The following ABAT variants were observed in gnomAD, a reference collection of about 807,000 sequenced individuals.
The protein encoded by ABAT is 4-aminobutyrate aminotransferase, mitochondrial.
Under a neutral mutation model 64.6 loss-of-function variants are expected in ABAT, and 45 were observed. That is an observed-to-expected ratio of 0.70 (90% CI 0.55 to 0.89). ABAT has a LOEUF of 0.89. Ranked by LOEUF, ABAT falls within the 40% of genes least tolerant of loss-of-function variation. ABAT has a pLI of 0.00. For synonymous variants in ABAT, 297 were observed against 250.5 expected, an observed-to-expected ratio of 1.19 and a Z score of -1.75; for missense variants, 633 against 658.4, an observed-to-expected ratio of 0.96 and a Z score of 0.42.
intron 1 of ABAT, among the ~76,000 whole-genome samples, chr16:8,717,228 T>A (rs887632387): frequency 6.6e-6 from 1 of 152,298 alleles, no homozygotes; most frequent in African/African-American, 2.4e-5. Flanking sequence ...AGGCGAAGGT[T>A]GCAGTGAGCC....
At chr16:8,710,694 CAGAGAGAGAG>C (rs558327984) in intron 1 of ABAT, among the ~76,000 whole-genome samples, 39 of 121,946 alleles carry the variant, frequency 3.2e-4, no homozygotes, top group South Asian at 6.0e-4. Context: ...GAGAGAGAGA[CAGAGAGAGAG>C]AGAGAGAGAG....
intron 1 of ABAT, among the ~76,000 whole-genome samples, chr16:8,720,231 C>T (rs139104238): frequency 1.4e-4 from 22 of 152,324 alleles, no homozygotes; most frequent in African/African-American, 5.3e-4. Context: ...CTCCTGACCC[C>T]ACAAATAGAT....
At chr16:8,739,894 C>T (rs1055514157) in intron 2 of ABAT, among the ~76,000 whole-genome samples, 2 of 151,032 alleles carry the variant, frequency 1.3e-5, no homozygotes, top group Non-Finnish European at 2.9e-5. Flanking sequence ...TTTGTCTTCT[C>T]TTTTGACTTA....
chr16:8,685,071 G>T (rs1641114), intron 1 of ABAT, among the ~76,000 whole-genome samples: 4 of 152,046 alleles, frequency 2.6e-5, no homozygotes, highest in African/African-American at 9.7e-5. Context: ...GATTGCTTGA[G>T]CTCAGGAGTT....
At chr16:8,756,453 G>A (rs2059652028) in intron 5 of ABAT, among the ~76,000 whole-genome samples, 1 of 151,212 alleles carries the variant, frequency 6.6e-6, no homozygotes, top group Admixed American at 6.6e-5. Context: ...AGAACCTGCC[G>A]GTTTGTTACA....
In ABAT at chr16:8,750,369, C is replaced by A. The variant is rs1194910149; in HGVS notation, c.199-53C>A. 5.5e-6 allele frequency: 8 copies of A among 1,464,374 alleles called. No homozygotes were observed. In the Admixed American group the frequency reaches 1.3e-4, roughly 25 times the overall value. 90.7% of individuals were successfully genotyped at this position (1,464,374 alleles called of 1,614,324 possible). A position where few individuals can be genotyped will look rare whatever the true frequency, so the allele number is the denominator to read the frequency against. ...CTGATTCAAGCTTAATCCTAAAAGC[C>A]CAAGAATCTAGGGAGTGGCAGTGAG... On this transcript the variant is annotated intron_variant, in intron 4 of 15. Transcript: ENST00000268251.
chr16:8,777,735 G>A (rs1320428562), intron 14 of ABAT, among the ~76,000 whole-genome samples: 1 of 152,206 alleles, frequency 6.6e-6, no homozygotes, highest in Non-Finnish European at 1.5e-5. Context: ...ACATGCTAGA[G>A]TAAGTGCTGG....
At chr16:8,747,559 A>T (rs2059369364) in intron 3 of ABAT, among the ~76,000 whole-genome samples, 1 of 152,140 alleles carries the variant, frequency 6.6e-6, no homozygotes, top group Non-Finnish European at 1.5e-5. Flanking sequence ...GAAATATATA[A>T]TTTTATGACA....
intron 5 of ABAT, among the ~76,000 whole-genome samples, chr16:8,754,412 T>C (rs2059583004): frequency 6.6e-6 from 1 of 151,926 alleles, no homozygotes; most frequent in Non-Finnish European, 1.5e-5. Context: ...GATTAGCCGG[T>C]GACTGGTAGA....
At chr16:8,681,965 G>A (rs879595230) in intron 1 of ABAT, among the ~76,000 whole-genome samples, 1 of 152,056 alleles carries the variant, frequency 6.6e-6, no homozygotes, top group Non-Finnish European at 1.5e-5. Context: ...TGACGTGGAA[G>A]CGAGGCTGTC....
chr16:8,752,977 C>G (rs1315444661), intron 5 of ABAT, among the ~76,000 whole-genome samples: 2 of 152,172 alleles, frequency 1.3e-5, no homozygotes, highest in Admixed American at 1.3e-4. Flanking sequence ...AACATCACCT[C>G]CAGTTGACTG....
chr16:8,702,994 C>T (rs1318608128), intron 1 of ABAT, among the ~76,000 whole-genome samples: 2 of 152,024 alleles, frequency 1.3e-5, no homozygotes, highest in Non-Finnish European at 2.9e-5. Context: ...AGGTGTGATG[C>T]ATGAGAGTGT....
chr16:8,734,418 T>C (rs1308029644), intron 1 of ABAT, among the ~76,000 whole-genome samples: 2 of 152,120 alleles, frequency 1.3e-5, no homozygotes, highest in Non-Finnish European at 2.9e-5. Context: ...TAGAGGGATT[T>C]TGTTGGAGTG....
intron 14 of ABAT, among the ~76,000 whole-genome samples, chr16:8,777,515 T>C (rs1641024): frequency 0.74 from 111,677 of 151,720 alleles, 41,080 homozygotes; most frequent in South Asian, 0.76. Flanking sequence ...TCTCACATAA[T>C]ACTTCTAACA....
intron 1 of ABAT, among the ~76,000 whole-genome samples, chr16:8,707,012 G>A (rs1013035244): frequency 9.2e-5 from 14 of 152,086 alleles, no homozygotes; most frequent in Non-Finnish European, 1.9e-4. Flanking sequence ...TGGCATGTCA[G>A]TACTCAGAAA....
chr16:8,727,745 C>A (rs1225354596), intron 1 of ABAT, among the ~76,000 whole-genome samples: 2 of 152,168 alleles, frequency 1.3e-5, no homozygotes, highest in Non-Finnish European at 1.5e-5. Context: ...AGAAAGAAAG[C>A]AATTTATCCA....
At chr16:8,775,334 A>G (rs1014064090) in intron 13 of ABAT, among the ~76,000 whole-genome samples, 4 of 152,184 alleles carry the variant, frequency 2.6e-5, no homozygotes, top group African/African-American at 9.6e-5. Flanking sequence ...CAGACTGAGC[A>G]TTTGCTATGT....
intron 5 of ABAT, among the ~76,000 whole-genome samples, chr16:8,755,633 G>A (rs757085330): frequency 6.6e-6 from 1 of 152,152 alleles, no homozygotes; most frequent in African/African-American, 2.4e-5. Context: ...ACTTCAGGCC[G>A]GGTTCGGTGG....
At chr16:8,690,293 G>A (rs1182131127) in intron 1 of ABAT, among the ~76,000 whole-genome samples, 1 of 152,170 alleles carries the variant, frequency 6.6e-6, no homozygotes, top group Admixed American at 6.6e-5. Context: ...CCTGGTGCCA[G>A]CCGCAGTGCT....
Sources: allele counts gnomAD v4.1 joint callset (sites outside exome capture counted in the v4.1 genomes callset), GRCh38; gene constraint gnomAD v4.1.1; transcripts MANE v1.5; gene names NCBI Gene and HGNC (gene_info 2026-07-23, HGNC 2026-07-21).